The following DAAM1 variants were observed in gnomAD, a reference collection of about 807,000 sequenced individuals.
DAAM1 encodes the protein dishevelled associated activator of morphogenesis 1.
In DAAM1, 52 loss-of-function variants were observed where a neutral mutation model predicts 130.0. The ratio of observed to expected loss-of-function variants is 0.40; its 90% CI spans 0.32 to 0.50. The LOEUF (loss-of-function observed/expected upper bound fraction) is 0.50. Among genes scored for constraint, DAAM1 ranks in the 20% least tolerant of loss-of-function variants. The pLI, the probability that DAAM1 is intolerant of heterozygous loss-of-function variation, is 0.61. For synonymous variants in DAAM1, 452 were observed against 444.5 expected (o/e 1.02, Z -0.21); for missense variants, 1,134 against 1,303.8 (o/e 0.87, Z 2.01).
At chr14:59,318,841 T>C (rs547849053) in intron 4 of DAAM1, among the ~76,000 whole-genome samples, 39 of 152,196 alleles carry the variant, frequency 2.6e-4, no homozygotes, top group Non-Finnish European at 5.1e-4. Context: ...AGAAACTTAA[T>C]ATAGACTGCT....
intron 3 of DAAM1, among the ~76,000 whole-genome samples, chr14:59,309,296 A>G (rs1339942192): frequency 6.6e-6 from 1 of 152,252 alleles, no homozygotes; most frequent in Non-Finnish European, 1.5e-5. Flanking sequence ...TTCAGGGAGC[A>G]GTGAGCTTGG....
chr14:59,269,563 TA>T (rs1053953028), intron 2 of DAAM1, among the ~76,000 whole-genome samples: 3 of 152,210 alleles, frequency 2.0e-5, no homozygotes, highest in Non-Finnish European at 4.4e-5. Flanking sequence ...CTTACGTGAG[TA>T]AAATGAAGGG....
chr14:59,285,382 C>A (rs1390664782), intron 2 of DAAM1, among the ~76,000 whole-genome samples: 5 of 152,062 alleles, frequency 3.3e-5, no homozygotes, highest in Non-Finnish European at 5.9e-5. Flanking sequence ...ACAATCAAGT[C>A]TACATAACAA....
chr14:59,189,027 C>T (rs764760271), intron 1 of DAAM1, among the ~76,000 whole-genome samples: 3 of 152,238 alleles, frequency 2.0e-5, no homozygotes, highest in Non-Finnish European at 4.4e-5. Flanking sequence ...CAAACCGAGG[C>T]AGCAGGGAGG....
intron 1 of DAAM1, among the ~76,000 whole-genome samples, chr14:59,210,261 GTAT>G (rs1216389896): frequency 6.6e-6 from 1 of 152,224 alleles, no homozygotes; most frequent in East Asian, 1.9e-4. Flanking sequence ...CCTACAATGA[GTAT>G]TATTATATTA....
At chr14:59,234,378 T>C (rs993834826) in intron 1 of DAAM1, among the ~76,000 whole-genome samples, 3 of 152,180 alleles carry the variant, frequency 2.0e-5, no homozygotes, top group Non-Finnish European at 4.4e-5. Flanking sequence ...GGTATTTTAT[T>C]CTCTTTGTAG....
chr14:59,344,050 T>C (rs2139655175), intron 16 of DAAM1, among the ~76,000 whole-genome samples: 1 of 152,272 alleles, frequency 6.6e-6, no homozygotes, highest in Non-Finnish European at 1.5e-5. Flanking sequence ...GCCAAAGGCC[T>C]GGGGGTGGCA....
chr14:59,247,172 C>G (rs982699165), intron 1 of DAAM1, among the ~76,000 whole-genome samples: 1 of 152,166 alleles, frequency 6.6e-6, no homozygotes, highest in African/African-American at 2.4e-5. Flanking sequence ...ATGGTCTAGT[C>G]TCCCTTGTCA....
chr14:59,259,948 G>T (rs1011609684), intron 1 of DAAM1, among the ~76,000 whole-genome samples: 8 of 152,210 alleles, frequency 5.3e-5, no homozygotes, highest in Non-Finnish European at 1.0e-4. Flanking sequence ...GGAGGCTGAG[G>T]CAGGAGAATG....
chr14:59,203,004 T>G (rs968429530), intron 1 of DAAM1, among the ~76,000 whole-genome samples: 1 of 151,722 alleles, frequency 6.6e-6, no homozygotes, highest in Non-Finnish European at 1.5e-5. Context: ...TCTTTTTTTT[T>G]TTTTTGAGAT....
intron 1 of DAAM1, among the ~76,000 whole-genome samples, chr14:59,222,357 C>T (rs1279019003): frequency 6.6e-6 from 1 of 152,190 alleles, no homozygotes; most frequent in Non-Finnish European, 1.5e-5. Flanking sequence ...AGTCAATGTC[C>T]ATTCCAGTAA....
intron 15 of DAAM1, among the ~76,000 whole-genome samples, chr14:59,335,044 A>C (rs931882931): frequency 1.3e-5 from 2 of 152,116 alleles, no homozygotes; most frequent in Admixed American, 6.5e-5. Flanking sequence ...CCCCAACTCT[A>C]TGAGTAGATA....
chr14:59,338,313 C>T (rs1885704847), intron 15 of DAAM1: 2 of 1,481,396 alleles, frequency 1.4e-6, no homozygotes, highest in East Asian at 2.3e-5. Context: ...TTGACTTTCC[C>T]CCATTTGTTG....
At chr14:59,277,091 A>G (rs1262376179) in intron 2 of DAAM1, among the ~76,000 whole-genome samples, 1 of 152,192 alleles carries the variant, frequency 6.6e-6, no homozygotes, top group African/African-American at 2.4e-5. Context: ...CAAATAATAA[A>G]TGCTTTAGAT....
At chr14:59,267,178 G>A (rs538042814) in intron 2 of DAAM1, among the ~76,000 whole-genome samples, 1 of 152,292 alleles carries the variant, frequency 6.6e-6, no homozygotes, top group African/African-American at 2.4e-5. Flanking sequence ...TCTTACCTCT[G>A]TATCTGTTAG....
chr14:59,303,311 T>C (rs567090102), intron 3 of DAAM1, among the ~76,000 whole-genome samples: 175 of 152,172 alleles, frequency 1.2e-3, no homozygotes, highest in Non-Finnish European at 1.2e-3. Flanking sequence ...TCTGAGTAAA[T>C]AGTCTCTGAT....
Position 59,347,546 on chromosome 14 carries a change from T to A in DAAM1, c.2083T>A (p.Leu695Ile). The change falls in exon 17 of 25, where the codon TTA becomes ATA. Residue 695 changes from leucine (L) to isoleucine (I), a missense_variant. By Grantham distance (5) the Leu-to-Ile change is conservative. This residue lies in a region of DAAM1 where 644 missense variants were observed against 695.9 expected (regional missense o/e 0.93). Coordinates refer to ENST00000360909, the MANE Select transcript of DAAM1 (RefSeq NM_001270520.2). ...NCNILLSRLK[L>I]SNDEIKRAIL... ...AAAATATTCTTTCTCCAGGTTGAAA[T>A]TATCCAATGACGAAATCAAACGGGC... The A allele has an allele frequency of 6.2e-7, 1 of 1,613,530 alleles. No homozygotes were observed. Among genetic ancestry groups the A allele is most frequent in the Non-Finnish European group, 8.5e-7 (1 of 1,179,670 alleles).
chr14:59,196,466 G>A (rs1250494053), intron 1 of DAAM1, among the ~76,000 whole-genome samples: 9 of 152,160 alleles, frequency 5.9e-5, no homozygotes, highest in South Asian at 2.1e-4. Context: ...GAAATGGGCC[G>A]GGTGCGGTGG....
intron 2 of DAAM1, among the ~76,000 whole-genome samples, chr14:59,286,581 A>C (rs1883464566): frequency 6.6e-6 from 1 of 152,152 alleles, no homozygotes; most frequent in South Asian, 2.1e-4. Flanking sequence ...AAACACAGTC[A>C]GAAATGACAA....
Sources: allele counts gnomAD v4.1 joint callset (sites outside exome capture counted in the v4.1 genomes callset), GRCh38; gene constraint gnomAD v4.1.1; regional missense constraint gnomAD v4.1.1; transcripts MANE v1.5; gene names NCBI Gene and HGNC (gene_info 2026-07-23, HGNC 2026-07-21).